Variants in TSPEAR observed in about 807,000 individuals in gnomAD.
TSPEAR encodes the protein thrombospondin type laminin G domain and EAR repeats, also known as thrombospondin-type laminin G domain and EAR repeat-containing protein.
In TSPEAR, 69 loss-of-function variants were observed where a neutral mutation model predicts 71.6. The observed-to-expected ratio is 0.96, with a 90% confidence interval of 0.79 to 1.18. The LOEUF (loss-of-function observed/expected upper bound fraction) is 1.18. Among genes scored for constraint, TSPEAR ranks in the 50% most tolerant of loss-of-function variants. The probability of loss-of-function intolerance (pLI) is 0.00; values close to 1 mark genes in which losing one functional copy is unlikely to be tolerated. For synonymous variants in TSPEAR, 402 were observed against 387.2 expected (o/e 1.04, Z -0.45); for missense variants, 971 against 894.9 (o/e 1.09, Z -1.09).
At chr21:44,503,746 C>T (rs587715928) in intron 11 of TSPEAR, among the ~76,000 whole-genome samples, 24 of 97,744 alleles carry the variant, frequency 2.5e-4, no homozygotes, top group African/African-American at 9.0e-4. Context: ...GGGAGGAGGC[C>T]GGAGTTGGTG....
intron 3 of TSPEAR, 110 bp from the exon 4 acceptor site, chr21:44,531,243 G>A (rs1555915742): frequency 2.5e-6 from 2 of 810,732 alleles, no homozygotes; most frequent in African/African-American, 3.4e-5. Flanking sequence ...TCTGTGCTGT[G>A]GCTGCCACAC....
At chr21:44,644,914 C>T (rs180795639) in intron 1 of TSPEAR, among the ~76,000 whole-genome samples, 1 of 140,408 alleles carries the variant, frequency 7.1e-6, no homozygotes, top group African/African-American at 2.8e-5. Context: ...AAAAAGAAAC[C>T]CAAATGCTCC....
At chr21:44,658,793 T>TGGTGCACTGAAGGTA in intron 1 of TSPEAR, among the ~76,000 whole-genome samples, 1 of 152,160 alleles carries the variant, frequency 6.6e-6, no homozygotes, top group Non-Finnish European at 1.5e-5. Context: ...GTTTTTATGT[T>TGGTGCACTGAAGGTA]ACCCAGATGC....
intron 1 of TSPEAR, among the ~76,000 whole-genome samples, chr21:44,673,797 T>A (rs1042732950): frequency 6.6e-6 from 1 of 151,982 alleles, no homozygotes; most frequent in Non-Finnish European, 1.5e-5. Context: ...TAGATATTAA[T>A]AACAAGAAGA....
chr21:44,567,818 G>A lies in TSPEAR; in HGVS notation c.270C>T (p.Val90=), dbSNP rs1555921927. ...GAAGATTGGGAACTCTCAAAGTTAC[G>A]ACGATGGAAAATTCTTCAGGGAAGA... is the stretch of plus-strand genomic sequence containing the variant. ...CDLFPEEFSI[V]VTLRVPNLPP... is the part of the protein sequence containing the mutation. Residue 90 remains valine, a synonymous_variant, in exon 2 of 12, where the codon GTC becomes GTT. Coordinates refer to ENST00000323084, the MANE Select transcript of TSPEAR (RefSeq NM_144991.3). 16 of 1,596,638 alleles carry A rather than the reference G, an allele frequency of 1.0e-5. No individual in the cohort carries two copies. Among genetic ancestry groups the A allele is most frequent in the Non-Finnish European group, 1.2e-5 (14 of 1,170,062 alleles).
intron 1 of TSPEAR, chr21:44,676,645 C>G (rs1601555130): frequency 2.6e-6 from 2 of 767,382 alleles, no homozygotes; most frequent in East Asian, 4.9e-5. Context: ...TTCTTGAACC[C>G]TAAGGACATC....
In TSPEAR at chr21:44,618,504, C is replaced by A. The variant is rs587601224; in HGVS notation, c.83-50499G>T. Among the ~76,000 whole-genome samples, 3 of 152,334 alleles carry A rather than the reference C, an allele frequency of 2.0e-5. No homozygotes were observed. The East Asian group carries it at 5.8e-4, about 29-fold the overall frequency. On this transcript the variant is annotated intron_variant, in intron 1 of 11. Transcript: ENST00000323084. ...ACTCTGGAAAATGGTCAAAGCTTTG[C>A]AGCAAGCAAGGGAACACATAATCAA...
At chr21:44,702,202 G>T in intron 1 of TSPEAR, 1 of 1,562,734 alleles carries the variant, frequency 6.4e-7, no homozygotes. Flanking sequence ...AAGCTCCAGA[G>T]GAACAAAGGG....
chr21:44,562,172 TCCTA>T (rs1202493810), intron 2 of TSPEAR, among the ~76,000 whole-genome samples: 2 of 152,086 alleles, frequency 1.3e-5, no homozygotes, highest in East Asian at 3.9e-4. Context: ...TCACAAGCCT[TCCTA>T]CACACCAACA....
chr21:44,676,103 C>T, intron 1 of TSPEAR: 1 of 870,110 alleles, frequency 1.1e-6, no homozygotes, highest in Admixed American at 1.7e-5. Context: ...ATCTTCAGAT[C>T]AGAGCTCTGC....
intron 1 of TSPEAR, among the ~76,000 whole-genome samples, chr21:44,632,350 G>A (rs934371226): frequency 1.5e-4 from 13 of 87,312 alleles, no homozygotes; most frequent in Non-Finnish European, 3.4e-4. Context: ...TTAAAGTGCT[G>A]AAAGAGAAAA....
chr21:44,583,144 G>A (rs1979113218), intron 1 of TSPEAR, among the ~76,000 whole-genome samples: 1 of 151,820 alleles, frequency 6.6e-6, no homozygotes, highest in African/African-American at 2.4e-5. Flanking sequence ...CACCCGGCCA[G>A]ATCACATCAT....
chr21:44,508,090 A>G (rs1304597156), intron 10 of TSPEAR: 1 of 152,266 alleles, frequency 6.6e-6, no homozygotes, highest in Non-Finnish European at 1.5e-5. Flanking sequence ...TGGCCTGTCT[A>G]CATACCCCTG....
intron 1 of TSPEAR, among the ~76,000 whole-genome samples, chr21:44,617,944 G>C (rs587676519): frequency 6.6e-6 from 1 of 152,274 alleles, no homozygotes; most frequent in Non-Finnish European, 1.5e-5. Context: ...AATTCATAAA[G>C]ATATTTAGAA....
At chr21:44,606,531 A>G (rs1438560566) in intron 1 of TSPEAR, among the ~76,000 whole-genome samples, 1 of 152,220 alleles carries the variant, frequency 6.6e-6, no homozygotes, top group Non-Finnish European at 1.5e-5. Context: ...TTTTATATCT[A>G]AAATAACTGA....
chr21:44,605,413 A>T (rs1426947785), intron 1 of TSPEAR, among the ~76,000 whole-genome samples: 1 of 152,216 alleles, frequency 6.6e-6, no homozygotes, highest in Non-Finnish European at 1.5e-5. Context: ...AATCTCTATC[A>T]ATTTCAATAT....
In TSPEAR at chr21:44,710,781, T is replaced by A. The variant is rs1333995660; in HGVS notation, c.82+652A>T. Among the ~76,000 whole-genome samples, 1 of 152,184 alleles carries A rather than the reference T, an allele frequency of 6.6e-6. No individual in the cohort carries two copies. The highest frequency in any genetic ancestry group is 6.5e-5 in the Admixed American group (1 of 15,276). On this transcript the variant is annotated intron_variant, in intron 1 of 11. Coordinates refer to ENST00000323084, the MANE Select transcript of TSPEAR (RefSeq NM_144991.3). This position sits in a 1 kb window ranked among gnomAD's most constrained non-coding sequence, Gnocchi z 4.6. ...GAAACTCTAGAAAAGTATTAGCGTG[T>A]CATGGTCATGAGCAAGCCAAACAGC...
At chr21:44,500,394 A>ATTCT (rs1569146038) in intron 11 of TSPEAR, among the ~76,000 whole-genome samples, 1 of 152,200 alleles carries the variant, frequency 6.6e-6, no homozygotes, top group African/African-American at 2.4e-5. Context: ...CCAGGCCCTC[A>ATTCT]TTCTTGCTCT....
chr21:44,573,678 C>T (rs1569193842), intron 1 of TSPEAR: 2 of 1,560,744 alleles, frequency 1.3e-6, no homozygotes, highest in Non-Finnish European at 1.7e-6. Context: ...AAAAGCCCCA[C>T]AAACCCGAGC....
Sources: gnomAD v4.1 joint callset for allele counts (sites outside exome capture counted in the v4.1 genomes callset) on GRCh38, gnomAD v4.1.1 for gene constraint, Gnocchi (gnomAD v3.1) non-coding constraint, MANE v1.5 for transcripts, NCBI Gene and HGNC (gene_info 2026-07-23, HGNC 2026-07-21) for gene names.